ASB13: variants seen among roughly 807,000 people sequenced by gnomAD.
ASB13 encodes ankyrin repeat and SOCS box protein 13.
ASB13 carries 33 observed loss-of-function variants against 28.8 expected under a neutral mutation model. The ratio of observed to expected loss-of-function variants is 1.15; its 90% CI spans 0.87 to 1.53. The LOEUF (loss-of-function observed/expected upper bound fraction) is 1.53. Ranked by LOEUF, ASB13 falls within the 40% of genes most tolerant of loss-of-function variation. ASB13 has a pLI of 0.00. For missense variants in ASB13, 414 were observed against 390.1 expected (o/e 1.06, Z -0.52); for synonymous variants, 182 against 172.9 (o/e 1.05, Z -0.41).
rs1314885281 is a variant in ASB13 at position 5,639,236 on chromosome 10, A to G, written c.*1467T>C. ...GGAGAGGCCTCCAGTCATACAGCACAAAGGGCATCGCCTTGGGCAGCTCAG... is the reference window on the plus strand; with the variant it reads ...GGAGAGGCCTCCAGTCATACAGCACGAAGGGCATCGCCTTGGGCAGCTCAG... On this transcript the variant is annotated 3_prime_UTR_variant, in exon 6 of 6. Coordinates refer to ENST00000357700, the MANE Select transcript of ASB13 (RefSeq NM_024701.4). 6.6e-6 allele frequency: 1 copy of G among 152,534 alleles called. No individual in the cohort carries two copies. The highest frequency in any genetic ancestry group is 2.4e-5 in the African/African-American group (1 of 41,376). The allele number at this position is 152,534 out of a possible 1,614,324, so 9.4% of individuals were successfully genotyped here.
In ASB13 at chr10:5,640,554, G is replaced by C. The variant is rs1834791784; in HGVS notation, c.*149C>G. 8.9e-6 allele frequency: 9 copies of C among 1,010,686 alleles called. No homozygotes were observed. Among genetic ancestry groups the C allele is most frequent in the Non-Finnish European group, 1.3e-5 (9 of 694,340 alleles). 62.6% of individuals were successfully genotyped at this position (1,010,686 alleles called of 1,614,324 possible). On this transcript the variant is annotated 3_prime_UTR_variant, in exon 6 of 6. Transcript: ENST00000357700. Reference sequence around the variant, plus strand: ...TGGAAACATTATCCAGGATCCAGGAGAGAAGCCTAAACAGGATCGCAGGAA... The same window carrying C: ...TGGAAACATTATCCAGGATCCAGGACAGAAGCCTAAACAGGATCGCAGGAA...
In ASB13 at chr10:5,642,148, G is replaced by A. The variant is rs765928980; in HGVS notation, c.518-187C>T. 3.9e-5 allele frequency among the ~76,000 whole-genome samples: 6 copies of A among 152,078 alleles called. No individual in the cohort carries two copies. Among genetic ancestry groups the A allele is most frequent in the Non-Finnish European group, 7.4e-5 (5 of 68,010 alleles). On this transcript the variant is annotated intron_variant, in intron 4 of 5. Transcript: ENST00000357700. This position sits in a 1 kb window ranked among gnomAD's most constrained non-coding sequence, Gnocchi z 4.1. ...CATCCAAAAGCAGGAACTACTTACT[G>A]TCCCCACTCATGAGAGATAAAGGTA...
intron 4 of ASB13, among the ~76,000 whole-genome samples, chr10:5,646,394 T>A (rs1564215829): frequency 6.6e-6 from 1 of 152,172 alleles, no homozygotes; most frequent in Non-Finnish European, 1.5e-5. Flanking sequence ...GGGAGGGGTG[T>A]GTGAAAAGGG....
intron 1 of ASB13, among the ~76,000 whole-genome samples, chr10:5,665,770 T>G (rs1307654952): frequency 6.6e-6 from 1 of 152,234 alleles, no homozygotes; most frequent in Non-Finnish European, 1.5e-5. Flanking sequence ...GGTGCACTAC[T>G]GTTTTTACCA....
Position 5,642,652 on chromosome 10 carries a change from G to GTTT in ASB13, c.518-692_518-691insAAA. The GTTT allele has an allele frequency of 2.3e-6, 1 of 427,782 alleles. No individual in the cohort carries two copies. The highest frequency in any genetic ancestry group is 3.5e-6 in the Non-Finnish European group (1 of 283,420). 26.5% of individuals were successfully genotyped at this position (427,782 alleles called of 1,614,324 possible). ...TAGTAGCTAAATATGGCTGGTTTTGGGTTTTTTTTTTTGAGACAGAGTCTC... is the reference window on the plus strand; with the variant it reads ...TAGTAGCTAAATATGGCTGGTTTTGGTTTGTTTTTTTTTTTGAGACAGAGTCTC... On this transcript the variant is annotated intron_variant, in intron 4 of 5. Coordinates refer to ENST00000357700, the MANE Select transcript of ASB13 (RefSeq NM_024701.4). This position sits in a 1 kb window ranked among gnomAD's most constrained non-coding sequence, Gnocchi z 4.1.
chr10:5,666,462 A>G (rs1378760325), intron 1 of ASB13, 47 bp downstream of exon 1: 5 of 1,273,788 alleles, frequency 3.9e-6, no homozygotes, highest in South Asian at 2.3e-5. Context: ...CGGCCTCAGG[A>G]GCCGGCGCCG....
rs773990841 is a variant in ASB13, at chr10:5,651,369, G to C, written c.232-6C>G. ...TCGATGTTGCGAGCATCCACCTCAC[G>C]GGAGGAAGAAACAAGTGTCAAAGGG... On this transcript the variant is annotated splice_polypyrimidine_tract_variant and splice_region_variant and intron_variant, in intron 2 of 5. Coordinates refer to ENST00000357700, the MANE Select transcript of ASB13 (RefSeq NM_024701.4). This position sits in a 1 kb window ranked among gnomAD's most constrained non-coding sequence, Gnocchi z 5.1. 1.9e-6 allele frequency: 3 copies of C among 1,592,268 alleles called. No individual in the cohort carries two copies. Among genetic ancestry groups the C allele is most frequent in the South Asian group, 2.2e-5 (2 of 89,312 alleles).
chr10:5,658,065 C>T lies in ASB13; in HGVS notation c.44-5015G>A, dbSNP rs773082416. On this transcript the variant is annotated intron_variant, in intron 1 of 5. Coordinates refer to ENST00000357700, the MANE Select transcript of ASB13 (RefSeq NM_024701.4). This position sits in a 1 kb window ranked among gnomAD's most constrained non-coding sequence, Gnocchi z 4.2. Reference sequence around the variant, plus strand: ...TGCCAGCTACTCAGAGGCTGAGGCACGAGAATCGCATGAACCCAGGAGACA... The same window carrying T: ...TGCCAGCTACTCAGAGGCTGAGGCATGAGAATCGCATGAACCCAGGAGACA... 2.1e-4 allele frequency among the ~76,000 whole-genome samples: 32 copies of T among 152,064 alleles called. No individual in the cohort carries two copies. Among genetic ancestry groups the T allele is most frequent in the African/African-American group, 6.5e-4 (27 of 41,382 alleles).
chr10:5,661,230 C>A lies in ASB13; in HGVS notation c.43+5279G>T, dbSNP rs968629942. Among the ~76,000 whole-genome samples, 2 of 152,146 alleles carry A rather than the reference C, an allele frequency of 1.3e-5. No homozygotes were observed. Among genetic ancestry groups the A allele is most frequent in the Admixed American group, 1.3e-4 (2 of 15,282 alleles). The stretch of plus-strand genomic sequence containing the variant: ...AGAGCTGGGCACCTCCAGAGCCCAT[C>A]CTCCACACTGCCCTGCCTGCACCCA... On this transcript the variant is annotated intron_variant, in intron 1 of 5. Coordinates refer to ENST00000357700, the MANE Select transcript of ASB13 (RefSeq NM_024701.4). The surrounding 1 kb of genome is among the most constrained non-coding windows in gnomAD (Gnocchi z 4.9).
At chr10:5,646,319 T>C (rs752806805) in intron 4 of ASB13, among the ~76,000 whole-genome samples, 4 of 152,108 alleles carry the variant, frequency 2.6e-5, no homozygotes, top group Non-Finnish European at 4.4e-5. Flanking sequence ...CTGACCACAG[T>C]AATTAGTTCT....
In ASB13 at chr10:5,659,618, G is replaced by T. The variant is rs1195872329; in HGVS notation, c.44-6568C>A. Reference sequence around the variant, plus strand: ...TCCGGCTGAAATTCCTCGACTGAGGGGACCCCTGCTCCTTCAGGAAGCCTC... The same window carrying T: ...TCCGGCTGAAATTCCTCGACTGAGGTGACCCCTGCTCCTTCAGGAAGCCTC... On this transcript the variant is annotated intron_variant, in intron 1 of 5. Transcript: ENST00000357700. This position sits in a 1 kb window ranked among gnomAD's most constrained non-coding sequence, Gnocchi z 5.8. Among the ~76,000 whole-genome samples, 1 of 152,024 alleles carries T rather than the reference G, an allele frequency of 6.6e-6. No homozygotes were observed. Among genetic ancestry groups the T allele is most frequent in the Non-Finnish European group, 1.5e-5 (1 of 67,996 alleles).
At position 5,650,999 on chromosome 10, in the gene ASB13, C is replaced by A. The variant is rs1834975326; in HGVS notation, c.382+214G>T. Reference sequence around the variant, plus strand: ...GACACAGAATCCTACCCTAGAGTCACCCACCCCAGCCCTGGACGAAGACCT... The same window carrying A: ...GACACAGAATCCTACCCTAGAGTCAACCACCCCAGCCCTGGACGAAGACCT... On this transcript the variant is annotated intron_variant, in intron 3 of 5. Transcript: ENST00000357700. The surrounding 1 kb of genome is among the most constrained non-coding windows in gnomAD (Gnocchi z 6.0). Among the ~76,000 whole-genome samples the A allele has an allele frequency of 6.6e-6, 1 of 152,212 alleles. No individual in the cohort carries two copies. The highest frequency in any genetic ancestry group is 1.5e-5 in the Non-Finnish European group (1 of 68,026).
chr10:5,640,471 G>T lies in ASB13; in HGVS notation c.*232C>A. 1.9e-6 allele frequency: 1 copy of T among 516,380 alleles called. No individual in the cohort carries two copies. Among genetic ancestry groups the T allele is most frequent in the South Asian group, 2.3e-5 (1 of 44,420 alleles). 32.0% of individuals were successfully genotyped at this position (516,380 alleles called of 1,614,324 possible). ...GCCCATTGAGAGGGTAGGTTCTGTA[G>T]AACAGCGCAGGGCCACACCCACAAC... On this transcript the variant is annotated 3_prime_UTR_variant, in exon 6 of 6. Transcript: ENST00000357700.
At chr10:5,643,326 G>A (rs907524437) in intron 4 of ASB13, among the ~76,000 whole-genome samples, 3 of 152,104 alleles carry the variant, frequency 2.0e-5, no homozygotes, top group South Asian at 2.1e-4. Context: ...AAAAAGCATC[G>A]GAAAAATCCC....
At position 5,652,903 on chromosome 10, in the gene ASB13, T is replaced by A; in HGVS notation, c.191A>T (p.Gln64Leu). 6.3e-7 allele frequency: 1 copy of A among 1,583,530 alleles called. No individual in the cohort carries two copies. Among genetic ancestry groups the A allele is most frequent in the Non-Finnish European group, 8.6e-7 (1 of 1,165,512 alleles). Residue 64 changes from glutamine to leucine, a missense_variant, in exon 2 of 6, where the codon CAG becomes CTG. Transcript: ENST00000357700. This position sits in a 1 kb window ranked among gnomAD's most constrained non-coding sequence, Gnocchi z 5.0. ...TPLHAASLQG[Q>L]ARCVQLLLAA... ...CAGCAGCAGCTGCACACACCGCGCC[T>A]GGCCCTGCAGACTGGCTGCGTGCAG...
chr10:5,655,103 T>TAA lies in ASB13; in HGVS notation c.44-2055_44-2054dup, dbSNP rs75163537. Among the ~76,000 whole-genome samples the TAA allele has an allele frequency of 5.0e-5, 7 of 140,854 alleles. No individual in the cohort carries two copies. The highest frequency in any genetic ancestry group is 1.4e-4 in the Admixed American group (2 of 14,110). 92.4% of individuals were successfully genotyped at this position (140,854 alleles called of 152,430 possible). A position where few individuals can be genotyped will look rare whatever the true frequency, so the allele number is the denominator to read the frequency against. Reference sequence around the variant, plus strand: ...GGCAACAAGAGTGAAACTCTGTCTTTAAAAAAAAAAAAAAAGTGTCTGCAT... The same window carrying TAA: ...GGCAACAAGAGTGAAACTCTGTCTTTAAAAAAAAAAAAAAAAAGTGTCTGCAT... On this transcript the variant is annotated intron_variant, in intron 1 of 5. Transcript: ENST00000357700. The surrounding 1 kb of genome is among the most constrained non-coding windows in gnomAD (Gnocchi z 6.2).
rs1194764419 is a variant in ASB13 at position 5,655,138 on chromosome 10, T to C, written c.44-2088A>G. On this transcript the variant is annotated intron_variant, in intron 1 of 5. Coordinates refer to ENST00000357700, the MANE Select transcript of ASB13 (RefSeq NM_024701.4). This position sits in a 1 kb window ranked among gnomAD's most constrained non-coding sequence, Gnocchi z 6.2. ...AAAAAAGTGTCTGCATCGAATTTCC[T>C]CTGCAGGTGGGTAGCCTCATCAGTT... 6.6e-6 allele frequency among the ~76,000 whole-genome samples: 1 copy of C among 151,532 alleles called. No homozygotes were observed. The highest frequency in any genetic ancestry group is 2.4e-5 in the African/African-American group (1 of 41,224).
In ASB13 at chr10:5,648,109, A is replaced by G. The variant is rs1834914413; in HGVS notation, c.517+861T>C. 2.0e-5 allele frequency among the ~76,000 whole-genome samples: 3 copies of G among 151,398 alleles called. 1 individual carries two copies. Among genetic ancestry groups the G allele is most frequent in the Admixed American group, 1.3e-4 (2 of 15,150 alleles). On this transcript the variant is annotated intron_variant, in intron 4 of 5. Transcript: ENST00000357700. ...CACGCAGGCAAACACCCACTCAGGT[A>G]AACACCCACACAGGTAAACACCCAC...
At position 5,651,514 on chromosome 10, in the gene ASB13, T is replaced by C; in HGVS notation, c.232-151A>G. The C allele has an allele frequency of 1.2e-6, 1 of 841,346 alleles. No individual in the cohort carries two copies. The highest frequency in any genetic ancestry group is 1.8e-6 in the Non-Finnish European group (1 of 559,826). The allele number at this position is 841,346 out of a possible 1,614,324, so 52.1% of individuals were successfully genotyped here. On this transcript the variant is annotated intron_variant, in intron 2 of 5. Transcript: ENST00000357700. The surrounding 1 kb of genome is among the most constrained non-coding windows in gnomAD (Gnocchi z 5.1). ...TGCTAGGCAACGACACTGAAAGAGA[T>C]AGCACGTGGCTGCGGAGCACCGACG...
Sources: allele counts gnomAD v4.1 joint callset (sites outside exome capture counted in the v4.1 genomes callset), GRCh38; gene constraint gnomAD v4.1.1; non-coding constraint Gnocchi (gnomAD v3.1); transcripts MANE v1.5; gene names NCBI Gene and HGNC (gene_info 2026-07-23, HGNC 2026-07-21).